The following PLEKHG1 variants were observed in gnomAD, a reference collection of about 807,000 sequenced individuals.
PLEKHG1 encodes the protein pleckstrin homology and RhoGEF domain containing G1.
PLEKHG1 carries 44 observed loss-of-function variants against 100.8 expected under a neutral mutation model. The observed-to-expected ratio is 0.44, with a 90% CI of 0.34 to 0.56. The LOEUF is 0.56. PLEKHG1 is among the 20% of genes least tolerant of loss of function. The probability of loss-of-function intolerance (pLI) is 0.01; values close to 1 mark genes in which losing one functional copy is unlikely to be tolerated. For missense variants in PLEKHG1, 1,545 were observed against 1,720.9 expected, an observed-to-expected ratio of 0.90 and a Z score of 1.81; for synonymous variants, 640 against 662.5, an observed-to-expected ratio of 0.97 and a Z score of 0.52.
chr6:150,841,558 G>C (rs1004644410), exon 16 of PLEKHG1: 2 of 152,646 alleles, frequency 1.3e-5, no homozygotes, highest in Admixed American at 6.5e-5. Context: ...ACAAGGCCTA[G>C]AGAACGAGCT....
chr6:150,831,389 C>G lies in PLEKHG1; in HGVS notation c.2278C>G (p.Leu760Val), dbSNP rs898755912. Residue 760 changes from leucine (L) to valine (V), a missense_variant, in exon 15 of 16, where the codon CTA becomes GTA. Coordinates refer to ENST00000358517, the Ensembl canonical transcript of PLEKHG1. The surrounding 1 kb of genome is among the most constrained non-coding windows in gnomAD (Gnocchi z 4.1). ...GTCGCTGGGTTTTAAGTGCAGCAGCCTAAAGCGTGCAAAGCGGAGCACCTT... is the reference window on the plus strand; with the variant it reads ...GTCGCTGGGTTTTAAGTGCAGCAGCGTAAAGCGTGCAAAGCGGAGCACCTT... 4 of 1,614,170 alleles carry G rather than the reference C, an allele frequency of 2.5e-6. No individual in the cohort carries two copies. Among genetic ancestry groups the G allele is most frequent in the Non-Finnish European group, 3.4e-6 (4 of 1,180,042 alleles).
intron 14 of PLEKHG1, chr6:150,828,002 G>A (rs988811483): frequency 1.9e-6 from 3 of 1,613,036 alleles, no homozygotes; most frequent in South Asian, 2.2e-5. Flanking sequence ...GCGAGGGCTT[G>A]TGGGTCATCT....
At chr6:150,789,904 G>T (rs1416229748) in intron 4 of PLEKHG1, among the ~76,000 whole-genome samples, 1 of 152,200 alleles carries the variant, frequency 6.6e-6, no homozygotes, top group East Asian at 1.9e-4. Flanking sequence ...GGCCCAGGTG[G>T]AGTCTATAGC....
chr6:150,701,763 A>G (rs1383108895), intron 3 of PLEKHG1, among the ~76,000 whole-genome samples: 1 of 151,954 alleles, frequency 6.6e-6, no homozygotes, highest in Non-Finnish European at 1.5e-5. Flanking sequence ...AAACAAAAAA[A>G]AGAATAAAAT....
chr6:150,612,049 C>A (rs1450906033), intron 1 of PLEKHG1, among the ~76,000 whole-genome samples: 3 of 88,952 alleles, frequency 3.4e-5, no homozygotes, highest in Non-Finnish European at 8.0e-5. Context: ...TGTTGTTCCC[C>A]CCCCCCCCCC....
chr6:150,833,458 G>C (rs1431641693), intron 15 of PLEKHG1, among the ~76,000 whole-genome samples: 2 of 152,174 alleles, frequency 1.3e-5, no homozygotes, highest in Non-Finnish European at 1.5e-5. Flanking sequence ...ACTCCTTTGT[G>C]GAGCACAACC....
intron 1 of PLEKHG1, among the ~76,000 whole-genome samples, chr6:150,620,715 T>C (rs1777262350): frequency 6.6e-6 from 1 of 152,216 alleles, no homozygotes; most frequent in South Asian, 2.1e-4. Flanking sequence ...TATACCCGTT[T>C]TGTGCCAGGC....
chr6:150,766,303 A>C (rs1784451517), intron 2 of PLEKHG1, among the ~76,000 whole-genome samples: 3 of 148,710 alleles, frequency 2.0e-5, no homozygotes. Context: ...CAAGCCAATA[A>C]AATTAATAAG....
chr6:150,647,712 G>A (rs977055297), intron 2 of PLEKHG1, among the ~76,000 whole-genome samples: 10 of 152,032 alleles, frequency 6.6e-5, no homozygotes, highest in East Asian at 1.9e-4. Flanking sequence ...TTGTTTTGAC[G>A]TAAAATTCTA....
At chr6:150,716,035 G>T (rs1011466992) in intron 3 of PLEKHG1, among the ~76,000 whole-genome samples, 1 of 149,352 alleles carries the variant, frequency 6.7e-6, no homozygotes, top group African/African-American at 2.5e-5. Flanking sequence ...GTGAACCCGG[G>T]AGGCGGAGCT....
At chr6:150,810,985 T>G (rs1439400074) in intron 10 of PLEKHG1, among the ~76,000 whole-genome samples, 1 of 152,038 alleles carries the variant, frequency 6.6e-6, no homozygotes. Flanking sequence ...TTTTTCCTTT[T>G]GGGGCTTAAA....
chr6:150,659,587 G>C (rs1451159925), intron 3 of PLEKHG1, among the ~76,000 whole-genome samples: 1 of 152,186 alleles, frequency 6.6e-6, no homozygotes, highest in African/African-American at 2.4e-5. Context: ...CTGTCAAATG[G>C]AGCTATGGAG....
At chr6:150,808,193 C>T (rs1329224340) in intron 7 of PLEKHG1, among the ~76,000 whole-genome samples, 2 of 152,032 alleles carry the variant, frequency 1.3e-5, no homozygotes, top group African/African-American at 4.8e-5. Context: ...ATATATACAC[C>T]TACTGTGTAC....
chr6:150,636,924 C>T (rs1778028759), intron 1 of PLEKHG1, among the ~76,000 whole-genome samples: 1 of 152,192 alleles, frequency 6.6e-6, no homozygotes, highest in African/African-American at 2.4e-5. Context: ...TGAAAAATGA[C>T]ATTAGCATCC....
At chr6:150,728,685 C>T (rs897147326) in intron 1 of PLEKHG1, among the ~76,000 whole-genome samples, 22 of 152,080 alleles carry the variant, frequency 1.4e-4, no homozygotes, top group Non-Finnish European at 5.9e-5. Context: ...ATCACGAGGT[C>T]AGGAGTTCGA....
At chr6:150,738,330 C>T (rs1358692567) in intron 2 of PLEKHG1, among the ~76,000 whole-genome samples, 2 of 152,224 alleles carry the variant, frequency 1.3e-5, no homozygotes, top group Admixed American at 6.5e-5. Flanking sequence ...TTCATTTTTA[C>T]GACTTGTGAA....
At chr6:150,830,513 A>G in intron 14 of PLEKHG1, 69 bp from the exon 16 acceptor site, 1 of 1,165,722 alleles carries the variant, frequency 8.6e-7, no homozygotes, top group South Asian at 1.5e-5. Context: ...TAAACACAGG[A>G]GAAATTCCTG....
intron 3 of PLEKHG1, among the ~76,000 whole-genome samples, chr6:150,701,809 C>T (rs1780803051): frequency 6.6e-6 from 1 of 151,946 alleles, no homozygotes; most frequent in Non-Finnish European, 1.5e-5. Context: ...ACTCTTTAAG[C>T]CTTTTGAAGC....
At chr6:150,764,119 T>TTTTG (rs1784331575) in intron 2 of PLEKHG1, among the ~76,000 whole-genome samples, 2 of 150,386 alleles carry the variant, frequency 1.3e-5, no homozygotes, top group Non-Finnish European at 3.0e-5. Flanking sequence ...TTCTTTTTCT[T>TTTTG]TTTCTTTTTT....
Sources: gnomAD v4.1 joint callset for allele counts (sites outside exome capture counted in the v4.1 genomes callset) on GRCh38, gnomAD v4.1.1 for gene constraint, Gnocchi (gnomAD v3.1) non-coding constraint, MANE v1.5 for transcripts, NCBI Gene and HGNC (gene_info 2026-07-23, HGNC 2026-07-21) for gene names.